The following UNC13C variants were observed in gnomAD, a reference collection of about 807,000 sequenced individuals.
UNC13C encodes unc-13 homolog C, also known as protein unc-13 homolog C.
In UNC13C, 174 loss-of-function variants were observed where a neutral mutation model predicts 245.4. That is an observed-to-expected ratio of 0.71 (90% CI 0.63 to 0.80). UNC13C has a LOEUF of 0.80. Among genes scored for constraint, UNC13C ranks in the 30% least tolerant of loss-of-function variants. The pLI is 0.00. For missense variants in UNC13C, 2,829 were observed against 2,602.9 expected, an observed-to-expected ratio of 1.09 and a Z score of -1.89; for synonymous variants, 992 against 895.1, an observed-to-expected ratio of 1.11 and a Z score of -1.93.
chr15:54,525,100 T>C (rs1895387937), intron 24 of UNC13C, among the ~76,000 whole-genome samples: 1 of 152,180 alleles, frequency 6.6e-6, no homozygotes, highest in African/African-American at 2.4e-5. Flanking sequence ...CACAACACAA[T>C]ATTCAAAAGT....
At chr15:53,911,074 A>G in the UNC13C span, 1 of 152,242 alleles carries the variant, frequency 6.6e-6, no homozygotes. Context: ...CACAGCACCA[A>G]GAAGGAATGC....
At chr15:54,024,493 A>G (rs559534023) in intron 2 of UNC13C, among the ~76,000 whole-genome samples, 5 of 152,334 alleles carry the variant, frequency 3.3e-5, no homozygotes, top group African/African-American at 1.2e-4. Context: ...GGACTCAAAT[A>G]GAACTGTTTC....
intron 2 of UNC13C, among the ~76,000 whole-genome samples, chr15:54,142,548 A>G (rs557593021): frequency 6.6e-6 from 1 of 152,310 alleles, no homozygotes; most frequent in East Asian, 1.9e-4. Flanking sequence ...ACTTTAATCT[A>G]CAGAGTCATC....
chr15:54,219,198 A>G (rs200898821), intron 4 of UNC13C, among the ~76,000 whole-genome samples: 1 of 151,638 alleles, frequency 6.6e-6, no homozygotes, highest in Admixed American at 6.6e-5. Context: ...ACTTCAAACT[A>G]TACTACAAGG....
chr15:54,025,717 A>G (rs1013947473), intron 2 of UNC13C, among the ~76,000 whole-genome samples: 1 of 152,184 alleles, frequency 6.6e-6, no homozygotes, highest in Non-Finnish European at 1.5e-5. Flanking sequence ...TTGTCAGTAG[A>G]ACTGCAATTA....
chr15:54,325,509 C>T lies in UNC13C; in HGVS notation c.4425+3414C>T, dbSNP rs200791499. The stretch of plus-strand genomic sequence containing the variant: ...TTGTGCCATGTTGGTTTGCTGCACC[C>T]GCCAACTCATCATTTACATTAGGTG... On this transcript the variant is annotated intron_variant, in intron 14 of 32. Coordinates refer to ENST00000260323, the MANE Select transcript of UNC13C (RefSeq NM_001080534.3). Among the ~76,000 whole-genome samples the T allele has an allele frequency of 2.0e-3, 308 of 152,078 alleles. 1 individual carries two copies. The highest frequency in any genetic ancestry group is 6.4e-3 in the African/African-American group (267 of 41,520).
intron 14 of UNC13C, among the ~76,000 whole-genome samples, chr15:54,324,982 C>T (rs1387805897): frequency 6.6e-6 from 1 of 152,006 alleles, no homozygotes; most frequent in African/African-American, 2.4e-5. Context: ...TTTTATTCCT[C>T]ATCAGCTATC....
At chr15:53,926,500 G>C in the UNC13C span, among the ~76,000 whole-genome samples, 9 of 152,186 alleles carry the variant, frequency 5.9e-5, no homozygotes, top group Non-Finnish European at 1.2e-4. Context: ...AAAACACGTA[G>C]AGGATAATGA....
chr15:54,466,752 A>AT (rs1270947536), intron 19 of UNC13C, among the ~76,000 whole-genome samples: 4 of 151,876 alleles, frequency 2.6e-5, no homozygotes, highest in Non-Finnish European at 5.9e-5. Context: ...TGGAAGATTG[A>AT]TTTTCCCATT....
the UNC13C span, among the ~76,000 whole-genome samples, chr15:53,877,573 G>C: frequency 6.6e-6 from 1 of 151,592 alleles, no homozygotes; most frequent in East Asian, 1.9e-4. Flanking sequence ...TGGATACAGA[G>C]AGAGAGAGAG....
chr15:53,987,674 G>A lies in UNC13C; in HGVS notation c.-257+8747G>A, dbSNP rs59300979. ...TTGGCTCTGAAAGAAGATGGGGCGG[G>A]ACTGTCATGGACAACAGCAGATAGC... On this transcript the variant is annotated intron_variant, in intron 1 of 32. Transcript: ENST00000260323. 1.6e-3 allele frequency among the ~76,000 whole-genome samples: 236 copies of A among 152,104 alleles called. 1 individual carries two copies. The highest frequency in any genetic ancestry group is 5.4e-3 in the African/African-American group (226 of 41,512).
intron 1 of UNC13C, among the ~76,000 whole-genome samples, chr15:53,980,941 T>C (rs1893901732): frequency 3.3e-5 from 5 of 152,100 alleles, no homozygotes; most frequent in Admixed American, 3.3e-4. Flanking sequence ...AGCCCATGGG[T>C]CATTGGAAAC....
chr15:54,459,550 T>C (rs1317189642), intron 19 of UNC13C, among the ~76,000 whole-genome samples: 1 of 152,220 alleles, frequency 6.6e-6, no homozygotes. Context: ...CGTTTGGTTG[T>C]TTAACATAAT....
intron 8 of UNC13C, among the ~76,000 whole-genome samples, chr15:54,256,449 T>C (rs1596094339): frequency 2.0e-5 from 3 of 152,110 alleles, no homozygotes; most frequent in East Asian, 3.9e-4. Flanking sequence ...CCAGTTTCAG[T>C]CCTCCGCAGT....
intron 1 of UNC13C, among the ~76,000 whole-genome samples, chr15:54,006,591 A>G (rs1489817271): frequency 6.6e-6 from 1 of 152,202 alleles, no homozygotes; most frequent in Non-Finnish European, 1.5e-5. Context: ...GTCACATTAT[A>G]TACACATCCT....
At chr15:54,054,701 A>T (rs1213390713) in intron 2 of UNC13C, among the ~76,000 whole-genome samples, 3 of 152,196 alleles carry the variant, frequency 2.0e-5, no homozygotes, top group African/African-American at 7.2e-5. Flanking sequence ...CTATAAAGGC[A>T]TATCACAGTA....
intron 17 of UNC13C, among the ~76,000 whole-genome samples, chr15:54,392,100 A>T (rs1438852887): frequency 6.6e-6 from 1 of 152,054 alleles, no homozygotes; most frequent in Non-Finnish European, 1.5e-5. Flanking sequence ...GGTTTAGCAA[A>T]ACTTTTCATA....
the UNC13C span, among the ~76,000 whole-genome samples, chr15:53,847,480 C>G: frequency 6.6e-6 from 1 of 151,682 alleles, no homozygotes; most frequent in Non-Finnish European, 1.5e-5. Context: ...CCTCAGCCTC[C>G]CAAGCAGCTG....
intron 20 of UNC13C, 51 bp from the exon 21 acceptor site, chr15:54,500,028 T>G: frequency 1.5e-6 from 2 of 1,337,132 alleles, no homozygotes; most frequent in Non-Finnish European, 2.1e-6. Flanking sequence ...TCCTGTTAAT[T>G]TTATGCAAAT....
Sources: allele counts gnomAD v4.1 joint callset (sites outside exome capture counted in the v4.1 genomes callset), GRCh38; gene constraint gnomAD v4.1.1; transcripts MANE v1.5; gene names NCBI Gene and HGNC (gene_info 2026-07-23, HGNC 2026-07-21).